FRYL: variants seen among roughly 807,000 people sequenced by gnomAD.
The protein encoded by FRYL is FRY like transcription coactivator, also known as protein furry homolog-like.
Under a neutral mutation model 351.2 loss-of-function variants are expected in FRYL, and 150 were observed. That is an observed-to-expected ratio of 0.43 (90% CI 0.37 to 0.49). The LOEUF is 0.49. Ranked by LOEUF, FRYL falls within the 20% of genes least tolerant of loss-of-function variation. FRYL has a pLI of 0.00. For synonymous variants in FRYL, 1,153 were observed against 1,257.1 expected (o/e 0.92, Z 1.75); for missense variants, 3,036 against 3,619.3 (o/e 0.84, Z 4.13).
intron 3 of FRYL, among the ~76,000 whole-genome samples, chr4:48,677,087 T>C (rs1763833203): frequency 6.6e-6 from 1 of 152,204 alleles, no homozygotes; most frequent in South Asian, 2.1e-4. Context: ...GAATAGAGGA[T>C]ATTGGTGAAA....
chr4:48,640,101 A>AT (rs952570505), intron 3 of FRYL, among the ~76,000 whole-genome samples: 18 of 152,064 alleles, frequency 1.2e-4, no homozygotes, highest in African/African-American at 4.1e-4. Flanking sequence ...TATTTTGGTT[A>AT]TTTTTTTCAA....
chr4:48,711,518 G>A (rs1244530628), intron 1 of FRYL, among the ~76,000 whole-genome samples: 6 of 152,190 alleles, frequency 3.9e-5, no homozygotes, highest in African/African-American at 1.2e-4. Flanking sequence ...GGGGAGGGGC[G>A]CCCACCATTG....
At chr4:48,621,286 T>C (rs1750588943) in intron 5 of FRYL, among the ~76,000 whole-genome samples, 1 of 152,236 alleles carries the variant, frequency 6.6e-6, no homozygotes, top group African/African-American at 2.4e-5. Context: ...CTCTGCTATC[T>C]GCAAATTAGC....
At chr4:48,776,092 AAAC>A (rs1293034731) in intron 1 of FRYL, among the ~76,000 whole-genome samples, 1 of 151,422 alleles carries the variant, frequency 6.6e-6, no homozygotes, top group Non-Finnish European at 1.5e-5. Flanking sequence ...CTGAAAGAAT[AAAC>A]AACCACTAAC....
At chr4:48,623,239 A>G in intron 4 of FRYL, 60 bp from the exon 5 acceptor site, 2 of 962,442 alleles carry the variant, frequency 2.1e-6, no homozygotes, top group Non-Finnish European at 3.1e-6. Flanking sequence ...AAAACATTAG[A>G]AATCTTCTAC....
intron 56 of FRYL, 108 bp from the exon 57 acceptor site, chr4:48,512,796 T>G: frequency 5.5e-6 from 4 of 723,522 alleles, no homozygotes; most frequent in Middle Eastern, 7.1e-4. Context: ...TTATTCATCA[T>G]ACACACTGAT....
At chr4:48,754,358 T>TA (rs1198736221) in intron 1 of FRYL, among the ~76,000 whole-genome samples, 1 of 152,220 alleles carries the variant, frequency 6.6e-6, no homozygotes, top group Non-Finnish European at 1.5e-5. Context: ...TGCATGGACA[T>TA]ACCATATTTC....
Position 48,575,240 on chromosome 4 carries a change from A to C in FRYL, c.2723T>G (p.Ile908Ser). 6.2e-7 allele frequency: 1 copy of C among 1,613,206 alleles called. No individual in the cohort carries two copies. The highest frequency in any genetic ancestry group is 8.5e-7 in the Non-Finnish European group (1 of 1,179,424). The change falls in exon 25 of 64, where the codon ATT (isoleucine) becomes AGT (serine). Residue 908 changes from isoleucine (I) to serine (S), a missense_variant and splice_region_variant. Transcript: ENST00000358350. ...PDSGYSIDSKIIGIPSPSSLF... is the reference protein window; with the variant it reads ...PDSGYSIDSKSIGIPSPSSLF... ...GGATGAAGGGGATGGGATGCCAATAATCTGGAAAAAAAATATCGTATTTGT... is the reference window on the plus strand; with the variant it reads ...GGATGAAGGGGATGGGATGCCAATACTCTGGAAAAAAAATATCGTATTTGT...
At chr4:48,632,132 G>A (rs1362931724) in intron 4 of FRYL, among the ~76,000 whole-genome samples, 3 of 81,252 alleles carry the variant, frequency 3.7e-5, no homozygotes, top group Admixed American at 1.7e-4. Context: ...ATATATATGC[G>A]CACACAAAAT....
At position 48,671,873 on chromosome 4, in the gene FRYL, C is replaced by CAAAAAAAAAAAAAAAAA. The variant is rs71191252; in HGVS notation, c.-81+12783_-81+12799dup. 1.6e-3 allele frequency among the ~76,000 whole-genome samples: 81 copies of CAAAAAAAAAAAAAAAAA among 51,856 alleles called. 1 individual carries two copies. The highest frequency in any genetic ancestry group is 2.4e-3 in the East Asian group (4 of 1,688). 34.0% of individuals were successfully genotyped at this position (51,856 alleles called of 152,430 possible). A position where few individuals can be genotyped will look rare whatever the true frequency, so the allele number is the denominator to read the frequency against. ...GTCTCAAAAACAAAAAAAAAAAAAA[C>CAAAAAAAAAAAAAAAAA]AAAAAAAAAAAAAAAAAAGAAGGAA... is the stretch of plus-strand genomic sequence containing the variant. On this transcript the variant is annotated intron_variant, in intron 3 of 63. Coordinates refer to ENST00000358350, the MANE Select transcript of FRYL (RefSeq NM_015030.2).
chr4:48,682,412 A>C (rs1469662506), intron 3 of FRYL, among the ~76,000 whole-genome samples: 2 of 152,200 alleles, frequency 1.3e-5, no homozygotes, highest in East Asian at 3.8e-4. Flanking sequence ...AAAAGCCAAA[A>C]TTGACAAATG....
chr4:48,653,789 T>C (rs1238448028), intron 3 of FRYL: 26 of 1,289,216 alleles, frequency 2.0e-5, no homozygotes, highest in Non-Finnish European at 2.5e-5. Context: ...CTCAACATAG[T>C]GTCTCAATCA....
At chr4:48,566,631 G>A (rs968615461) in intron 28 of FRYL, among the ~76,000 whole-genome samples, 1 of 152,102 alleles carries the variant, frequency 6.6e-6, no homozygotes, top group African/African-American at 2.4e-5. Context: ...TCCACTGTCT[G>A]TATATACTAT....
intron 56 of FRYL, 49 bp from the exon 57 acceptor site, chr4:48,512,737 G>C (rs1190762656): frequency 7.3e-7 from 1 of 1,378,404 alleles, no homozygotes; most frequent in Non-Finnish European, 1.0e-6. Flanking sequence ...CAGAAAAAAA[G>C]AATAGGCTCA....
chr4:48,606,249 G>T (rs1214668037), intron 10 of FRYL, among the ~76,000 whole-genome samples, 189 bp downstream of exon 10: 1 of 151,820 alleles, frequency 6.6e-6, no homozygotes, highest in Non-Finnish European at 1.5e-5. Context: ...CTCCAGCCTG[G>T]GTGACAGAGT....
At chr4:48,673,991 TCCATTCTTAATG>T (rs1179287613) in intron 3 of FRYL, among the ~76,000 whole-genome samples, 1 of 152,228 alleles carries the variant, frequency 6.6e-6, no homozygotes, top group African/African-American at 2.4e-5. Flanking sequence ...ATATGTTTCT[TCCATTCTTAATG>T]GTGGTATATA....
chr4:48,704,949 C>CAAAAAAAAA (rs780894705), intron 2 of FRYL, among the ~76,000 whole-genome samples: 2 of 50,732 alleles, frequency 3.9e-5, no homozygotes, highest in Non-Finnish European at 7.8e-5. Flanking sequence ...GACTCCGTCT[C>CAAAAAAAAA]AAAAAAAAAA....
intron 3 of FRYL, among the ~76,000 whole-genome samples, chr4:48,676,187 G>A (rs535664572): frequency 6.6e-5 from 10 of 152,234 alleles, no homozygotes; most frequent in East Asian, 3.9e-4. Flanking sequence ...AAACCCACTC[G>A]GGTCCCCTTC....
chr4:48,683,144 T>C lies in FRYL; in HGVS notation c.-81+1529A>G, dbSNP rs538064009. On this transcript the variant is annotated intron_variant, in intron 3 of 63. Transcript: ENST00000358350. Reference sequence around the variant, plus strand: ...CGGACATGGATGAAGCTGGAAACCATCATTCTCAGCAAACTAACACAAGAA... The same window carrying C: ...CGGACATGGATGAAGCTGGAAACCACCATTCTCAGCAAACTAACACAAGAA... Among the ~76,000 whole-genome samples the C allele has an allele frequency of 6.6e-5, 10 of 152,134 alleles. No individual in the cohort carries two copies. The East Asian group carries it at 1.4e-3, about 21-fold the overall frequency.
Sources: gnomAD v4.1 joint callset for allele counts (sites outside exome capture counted in the v4.1 genomes callset) on GRCh38, gnomAD v4.1.1 for gene constraint, MANE v1.5 for transcripts, NCBI Gene and HGNC (gene_info 2026-07-23, HGNC 2026-07-21) for gene names.